NUP98: variants seen among roughly 807,000 people sequenced by gnomAD.
The protein encoded by NUP98 is nucleoporin 98 and 96 precursor.
NUP98 carries 26 observed loss-of-function variants against 191.9 expected under a neutral mutation model. That is an observed-to-expected ratio of 0.14 (90% CI 0.10 to 0.19). The LOEUF is 0.19. Among genes scored for constraint, NUP98 ranks in the 10% least tolerant of loss-of-function variants. The pLI, the probability that NUP98 is intolerant of heterozygous loss-of-function variation, is 1.00. For synonymous variants in NUP98, 808 were observed against 778.4 expected (o/e 1.04, Z -0.63); for missense variants, 1,941 against 2,178.8 (o/e 0.89, Z 2.17).
At chr11:3,764,091 C>A (rs985067871) in intron 8 of NUP98, among the ~76,000 whole-genome samples, 2 of 152,130 alleles carry the variant, frequency 1.3e-5, no homozygotes, top group African/African-American at 2.4e-5. Flanking sequence ...TTACACCCCC[C>A]AAAGAAATCC....
chr11:3,738,087 CA>C (rs61502115), intron 12 of NUP98, among the ~76,000 whole-genome samples: 838 of 69,746 alleles, frequency 0.012, 4 homozygotes, highest in Middle Eastern at 0.085. Context: ...TGGGCGTTCT[CA>C]AAAAAAAAAA....
At chr11:3,723,005 A>G (rs1365149506) in intron 16 of NUP98, 152 bp downstream of exon 16, 3 of 674,032 alleles carry the variant, frequency 4.5e-6, no homozygotes, top group Non-Finnish European at 7.5e-6. Context: ...TAAAGCATAA[A>G]ACTGTTTAAA....
chr11:3,719,811 C>T (rs1273252002), intron 17 of NUP98, among the ~76,000 whole-genome samples: 1 of 148,686 alleles, frequency 6.7e-6, no homozygotes, highest in African/African-American at 2.5e-5. Context: ...GTTGACCAGA[C>T]TGAAGTGCAG....
chr11:3,705,861 G>A (rs1279977603), intron 21 of NUP98, among the ~76,000 whole-genome samples: 6 of 151,846 alleles, frequency 4.0e-5, no homozygotes, highest in Admixed American at 1.3e-4. Flanking sequence ...TACAAAATTG[G>A]GATTGGGGCC....
At position 3,773,987 on chromosome 11, in the gene NUP98, T is replaced by C. The variant is rs184087351; in HGVS notation, c.496-248A>G. Among the ~76,000 whole-genome samples the C allele has an allele frequency of 1.8e-4, 28 of 152,236 alleles. No homozygotes were observed. In the East Asian group the frequency reaches 4.8e-3, roughly 26 times the overall value. On this transcript the variant is annotated intron_variant, in intron 5 of 32. Transcript: ENST00000324932. ...GGGATTAATCCCATAACCCAAGCCA[T>C]CCAATTACATGGTAAAATACATGTA... is the stretch of plus-strand genomic sequence containing the variant.
chr11:3,725,575 T>C (rs533677260), intron 14 of NUP98, among the ~76,000 whole-genome samples: 2 of 152,306 alleles, frequency 1.3e-5, no homozygotes, highest in East Asian at 1.9e-4. Flanking sequence ...CTCCAAATGC[T>C]TTCTCTCTCT....
At chr11:3,735,776 T>C (rs2080027882) in intron 12 of NUP98, among the ~76,000 whole-genome samples, 1 of 143,978 alleles carries the variant, frequency 6.9e-6, no homozygotes, top group African/African-American at 2.5e-5. Context: ...TGTGTGTGTG[T>C]GTGTGTGTGT....
At position 3,780,260 on chromosome 11, in the gene NUP98, C is replaced by T. The variant is rs560207477; in HGVS notation, c.77-1003G>A. On this transcript the variant is annotated intron_variant, in intron 2 of 32. Coordinates refer to ENST00000324932, the MANE Select transcript of NUP98 (RefSeq NM_016320.5). The stretch of plus-strand genomic sequence containing the variant: ...TTCCCTGCCAGGTGCGGGGAAGTTA[C>T]AGGCTCACGCCTGTAACCCCAGCAC... Among the ~76,000 whole-genome samples the T allele has an allele frequency of 3.3e-5, 5 of 149,538 alleles. No homozygotes were observed. In the South Asian group the frequency reaches 6.4e-4, roughly 19 times the overall value.
In NUP98 at chr11:3,724,994, C is replaced by G. The variant is rs529555737; in HGVS notation, c.1847+109G>C. On this transcript the variant is annotated intron_variant, in intron 15 of 32. Coordinates refer to ENST00000324932, the MANE Select transcript of NUP98 (RefSeq NM_016320.5). ...AGGCGCTCATAAGCTTGTAATACTT[C>G]TATGTAATATTCATCAAACTTCATA... 1.1e-4 allele frequency: 64 copies of G among 575,472 alleles called. 1 individual carries two copies. The South Asian group carries it at 1.6e-3, about 15-fold the overall frequency. 35.6% of individuals were successfully genotyped at this position (575,472 alleles called of 1,614,324 possible).
At chr11:3,678,891 G>A (rs2077900263) in intron 31 of NUP98, among the ~76,000 whole-genome samples, 1 of 152,112 alleles carries the variant, frequency 6.6e-6, no homozygotes, top group South Asian at 2.1e-4. Flanking sequence ...GGAGGCCAAG[G>A]TGGGCCGATC....
intron 1 of NUP98, among the ~76,000 whole-genome samples, chr11:3,793,996 T>C (rs1379500582): frequency 1.3e-5 from 2 of 152,118 alleles, no homozygotes; most frequent in East Asian, 1.9e-4. Flanking sequence ...AATAAATACA[T>C]GTGAAATATT....
At chr11:3,736,233 C>A (rs563650719) in intron 12 of NUP98, among the ~76,000 whole-genome samples, 6 of 152,228 alleles carry the variant, frequency 3.9e-5, no homozygotes, top group African/African-American at 1.4e-4. Context: ...TGCCTGGCCT[C>A]TATTTTTTAA....
intron 8 of NUP98, among the ~76,000 whole-genome samples, chr11:3,766,891 AATG>A (rs2081358073): frequency 6.6e-6 from 1 of 152,198 alleles, no homozygotes; most frequent in African/African-American, 2.4e-5. Context: ...AGTGTATTAC[AATG>A]ATTAATGATC....
chr11:3,711,998 A>G, intron 20 of NUP98: 1 of 1,048,482 alleles, frequency 9.5e-7, no homozygotes, highest in Non-Finnish European at 1.2e-6. Flanking sequence ...TGCGATAAAC[A>G]ATGTAGGCCC....
chr11:3,759,511 C>T lies in NUP98; in HGVS notation c.1174+1028G>A, dbSNP rs11029663. 5.2e-3 allele frequency among the ~76,000 whole-genome samples: 795 copies of T among 152,090 alleles called. 52 individuals are homozygous for T. In the East Asian group the frequency reaches 0.13, roughly 26 times the overall value. On this transcript the variant is annotated intron_variant, in intron 10 of 32. Transcript: ENST00000324932. ...ACTCGGGAGGCTGAGGCAGGAGAAT[C>T]GCTTGAACCCGGGAGGCAGAGTTTG... is the stretch of plus-strand genomic sequence containing the variant.
intron 14 of NUP98, among the ~76,000 whole-genome samples, chr11:3,727,694 T>C (rs1343066681): frequency 6.6e-6 from 1 of 152,082 alleles, no homozygotes; most frequent in African/African-American, 2.4e-5. Flanking sequence ...AAACACCATC[T>C]CTACTATAAA....
intron 11 of NUP98, among the ~76,000 whole-genome samples, chr11:3,750,191 C>T (rs889862394): frequency 4.6e-5 from 7 of 152,180 alleles, no homozygotes; most frequent in African/African-American, 1.7e-4. Flanking sequence ...ATGATCACCG[C>T]TCACTGCAGT....
chr11:3,686,752 G>C (rs1385926812), intron 28 of NUP98, among the ~76,000 whole-genome samples: 1 of 152,218 alleles, frequency 6.6e-6, no homozygotes, highest in East Asian at 1.9e-4. Context: ...GGAAGGCTGA[G>C]GTGGGCGGAT....
intron 20 of NUP98, among the ~76,000 whole-genome samples, chr11:3,707,738 C>CACAAAAAAAAAAA (rs1554889252): frequency 4.1e-5 from 2 of 48,568 alleles, no homozygotes; most frequent in African/African-American, 2.2e-4. Flanking sequence ...GACTCTGTCT[C>CACAAAAAAAAAAA]AAAAAAAAAA....
Sources: allele counts gnomAD v4.1 joint callset (sites outside exome capture counted in the v4.1 genomes callset), GRCh38; gene constraint gnomAD v4.1.1; transcripts MANE v1.5; gene names NCBI Gene and HGNC (gene_info 2026-07-23, HGNC 2026-07-21).